The following LYPLAL1 variants were observed in gnomAD, a reference collection of about 807,000 sequenced individuals.
LYPLAL1 encodes the protein lysophospholipase like 1.
In LYPLAL1, 23 loss-of-function variants were observed where a neutral mutation model predicts 19.7. The ratio of observed to expected loss-of-function variants is 1.17; its 90% CI spans 0.84 to 1.65. LYPLAL1 has a LOEUF of 1.65. LYPLAL1 is among the 40% of genes most tolerant of loss of function. LYPLAL1 has a pLI of 0.00. For synonymous variants in LYPLAL1, 119 were observed against 96.3 expected, an observed-to-expected ratio of 1.24 and a Z score of -1.38; for missense variants, 355 against 279.4, an observed-to-expected ratio of 1.27 and a Z score of -1.93.
chr1:219,248,574 A>G, the LYPLAL1 span, among the ~76,000 whole-genome samples: 1 of 152,062 alleles, frequency 6.6e-6, no homozygotes, highest in Admixed American at 6.6e-5. Context: ...TTAATTATGA[A>G]AGTTGTCAAG....
the LYPLAL1 span, among the ~76,000 whole-genome samples, chr1:219,353,618 A>C: frequency 6.6e-6 from 1 of 152,332 alleles, no homozygotes; most frequent in Non-Finnish European, 1.5e-5. Flanking sequence ...ATAAGCATGA[A>C]AGGATAAAGC....
chr1:219,225,734 A>G, the LYPLAL1 span, among the ~76,000 whole-genome samples: 2 of 152,168 alleles, frequency 1.3e-5, no homozygotes, highest in South Asian at 2.1e-4. Context: ...TCAGAATAAC[A>G]TTCAAATTCT....
At chr1:219,257,975 T>C in the LYPLAL1 span, among the ~76,000 whole-genome samples, 3 of 152,146 alleles carry the variant, frequency 2.0e-5, no homozygotes, top group East Asian at 3.9e-4. Context: ...GTGTTAATTA[T>C]TAATATTACT....
At chr1:219,400,637 G>C in the LYPLAL1 span, among the ~76,000 whole-genome samples, 1 of 152,038 alleles carries the variant, frequency 6.6e-6, no homozygotes. Context: ...TGGGATTACA[G>C]GTGGTCACCA....
At chr1:219,325,192 G>A in the LYPLAL1 span, among the ~76,000 whole-genome samples, 131 of 152,254 alleles carry the variant, frequency 8.6e-4, 1 homozygote, top group African/African-American at 2.3e-3. Flanking sequence ...AAATGATTAT[G>A]TCATAGCATT....
chr1:219,344,780 A>G, the LYPLAL1 span, among the ~76,000 whole-genome samples: 1 of 152,190 alleles, frequency 6.6e-6, no homozygotes, highest in Non-Finnish European at 1.5e-5. Context: ...ACTTGTTCCA[A>G]GGAGTCCATT....
At chr1:219,309,970 T>C in the LYPLAL1 span, among the ~76,000 whole-genome samples, 1 of 152,208 alleles carries the variant, frequency 6.6e-6, no homozygotes, top group African/African-American at 2.4e-5. Flanking sequence ...GTTGCCCTCA[T>C]TGACACTGAA....
At chr1:219,401,994 C>T in the LYPLAL1 span, among the ~76,000 whole-genome samples, 1 of 152,126 alleles carries the variant, frequency 6.6e-6, no homozygotes, top group African/African-American at 2.4e-5. Context: ...AACTTGGCCT[C>T]CTATTGCATA....
the LYPLAL1 span, among the ~76,000 whole-genome samples, chr1:219,371,639 C>A: frequency 1.3e-5 from 2 of 152,200 alleles, no homozygotes; most frequent in Non-Finnish European, 2.9e-5. Context: ...TGCCAATCAC[C>A]GAGTTTTGAG....
At chr1:219,233,546 T>A in the LYPLAL1 span, among the ~76,000 whole-genome samples, 1 of 152,050 alleles carries the variant, frequency 6.6e-6, no homozygotes, top group Non-Finnish European at 1.5e-5. Context: ...GGCAAGTGAG[T>A]CGTTTGAACC....
chr1:219,373,459 T>G, the LYPLAL1 span, among the ~76,000 whole-genome samples: 2 of 152,172 alleles, frequency 1.3e-5, no homozygotes, highest in Non-Finnish European at 2.9e-5. Flanking sequence ...GGTGTCTTGG[T>G]CTCTTCTGCT....
At chr1:219,342,649 T>TA in the LYPLAL1 span, among the ~76,000 whole-genome samples, 2 of 152,128 alleles carry the variant, frequency 1.3e-5, no homozygotes, top group Admixed American at 1.3e-4. Context: ...TGAATTGCTT[T>TA]AAAAAAATTC....
chr1:219,245,988 G>A, the LYPLAL1 span, among the ~76,000 whole-genome samples: 1 of 152,144 alleles, frequency 6.6e-6, no homozygotes, highest in African/African-American at 2.4e-5. Flanking sequence ...GGGATGTGGG[G>A]AGTTAGCCAT....
At chr1:219,370,417 C>G in the LYPLAL1 span, among the ~76,000 whole-genome samples, 1 of 152,170 alleles carries the variant, frequency 6.6e-6, no homozygotes, top group Non-Finnish European at 1.5e-5. Flanking sequence ...GCTTCTCTCC[C>G]TATATCTCGA....
the LYPLAL1 span, among the ~76,000 whole-genome samples, chr1:219,382,505 G>T: frequency 2.0e-4 from 30 of 152,024 alleles, no homozygotes; most frequent in African/African-American, 7.0e-4. Context: ...GACTACAGGC[G>T]CCCACCACTG....
At chr1:219,416,173 TTTTATTCAGATATGC>T in the LYPLAL1 span, among the ~76,000 whole-genome samples, 1 of 152,342 alleles carries the variant, frequency 6.6e-6, no homozygotes. Flanking sequence ...AAAATTTTTA[TTTTATTCAGATATGC>T]TTAGTTTTTA....
chr1:219,283,228 A>AG, the LYPLAL1 span, among the ~76,000 whole-genome samples: 3 of 152,182 alleles, frequency 2.0e-5, no homozygotes, highest in African/African-American at 7.2e-5. Flanking sequence ...ACGTGACAAC[A>AG]GGGCATGTTC....
chr1:219,399,323 T>C, the LYPLAL1 span, among the ~76,000 whole-genome samples: 6 of 152,150 alleles, frequency 3.9e-5, no homozygotes, highest in African/African-American at 1.4e-4. Flanking sequence ...CTGTTCTCTG[T>C]ACCTAGTTTC....
At position 219,193,066 on chromosome 1, in the gene LYPLAL1, G is replaced by GC. The variant is rs758330427; in HGVS notation, c.192-16_192-15insC. ...TTTCCTTTCTTTTTTTTTGGGGGGG[G>GC]GCGGTTGTTAAACAGATCATATACT... is the stretch of plus-strand genomic sequence containing the variant. On this transcript the variant is annotated splice_polypyrimidine_tract_variant and intron_variant, in intron 2 of 4. Coordinates refer to ENST00000366928, the MANE Select transcript of LYPLAL1 (RefSeq NM_138794.5). 12 of 1,519,452 alleles carry GC rather than the reference G, an allele frequency of 7.9e-6. No homozygotes were observed. Among genetic ancestry groups the GC allele is most frequent in the South Asian group, 2.6e-5 (2 of 77,912 alleles). The allele number at this position is 1,519,452 out of a possible 1,614,324, so 94.1% of individuals were successfully genotyped here.
Sources: gnomAD v4.1 joint callset for allele counts (sites outside exome capture counted in the v4.1 genomes callset) on GRCh38, gnomAD v4.1.1 for gene constraint, MANE v1.5 for transcripts, NCBI Gene and HGNC (gene_info 2026-07-23, HGNC 2026-07-21) for gene names.